The following ICAM3 variants were observed in gnomAD, a reference collection of about 807,000 sequenced individuals.
ICAM3 encodes the protein intercellular adhesion molecule 3, also known as ICAM-3.
ICAM3 carries 54 observed loss-of-function variants against 43.6 expected under a neutral mutation model. The observed-to-expected ratio is 1.24, with a 90% CI of 0.99 to 1.55. The LOEUF (loss-of-function observed/expected upper bound fraction) is 1.55. Among genes scored for constraint, ICAM3 ranks in the 40% most tolerant of loss-of-function variants. The pLI is 0.00. For missense variants in ICAM3, 715 were observed against 717.9 expected, an observed-to-expected ratio of 1.00 and a Z score of 0.05; for synonymous variants, 306 against 312.6, an observed-to-expected ratio of 0.98 and a Z score of 0.22.
intron 2 of ICAM3, 111 bp from the exon 3 acceptor site, chr19:10,336,087 T>A: frequency 1.0e-6 from 1 of 998,352 alleles, no homozygotes; most frequent in Non-Finnish European, 1.4e-6. Context: ...AGCTTTGAGT[T>A]AATAAACTTA....
chr19:10,338,607 C>G, intron 2 of ICAM3, 75 bp downstream of exon 2: 1 of 1,422,664 alleles, frequency 7.0e-7, no homozygotes, highest in South Asian at 1.2e-5. Context: ...TGAGGGTCCC[C>G]ACTCTCCTGA....
intron 4 of ICAM3, 39 bp downstream of exon 4, chr19:10,335,027 A>G (rs566102434): frequency 2.5e-6 from 4 of 1,590,004 alleles, no homozygotes; most frequent in South Asian, 2.3e-5. Context: ...ACGCCCCCAG[A>G]CTGCTGAGGC....
chr19:10,334,106 A>ACCCCCCCCCC lies in ICAM3; in HGVS notation c.1442-48_1442-47insGGGGGGGGGG. The ACCCCCCCCCC allele has an allele frequency of 2.5e-6, 4 of 1,578,930 alleles. No individual in the cohort carries two copies. Among genetic ancestry groups the ACCCCCCCCCC allele is most frequent in the Non-Finnish European group, 3.5e-6 (4 of 1,151,424 alleles). Reference sequence around the variant, plus strand: ...TCAATATGCGTCCCTTCTGTCTCCAACCCCCCCGCCCCCCGGCTTACCGGT... The same window carrying ACCCCCCCCCC: ...TCAATATGCGTCCCTTCTGTCTCCAACCCCCCCCCCCCCCCCCGCCCCCCGGCTTACCGGT... On this transcript the variant is annotated intron_variant, in intron 6 of 6. Transcript: ENST00000160262. The surrounding 1 kb of genome is among the most constrained non-coding windows in gnomAD (Gnocchi z 5.5).
Position 10,334,733 on chromosome 19 carries a change from C to T in ICAM3, c.987G>A (p.Gly329=), listed in dbSNP as rs767922533. The T allele has an allele frequency of 3.9e-5, 63 of 1,612,602 alleles. No homozygotes were observed. The Middle Eastern group carries it at 4.9e-4, about 13-fold the overall frequency. ...CCATGCAACTCACGGTCACTGTGGA[C>T]CCCTCATGGGCGGTGGGCTCGCTGA... ...VNLSEPTAHE[G]STVTVSCMAG... Residue 329 remains glycine (G), a synonymous_variant, in exon 5 of 7, where the codon GGG becomes GGA. Transcript: ENST00000160262. This position sits in a 1 kb window ranked among gnomAD's most constrained non-coding sequence, Gnocchi z 5.5.
chr19:10,334,374 C>G lies in ICAM3; in HGVS notation c.1227G>C (p.Gln409His). The change falls in exon 6 of 7, where the codon CAG (glutamine) becomes CAC (histidine). Residue 409 changes from glutamine (Q) to histidine (H), a missense_variant. By Grantham distance (24) the Gln-to-His change is conservative (BLOSUM62 0). Transcript: ENST00000160262. The surrounding 1 kb of genome is among the most constrained non-coding windows in gnomAD (Gnocchi z 5.5). ...TCGTTTTATCTTTCCATTTCAAGTG[C>G]TGGGGGCATGTGGCTCGGTCAATTT... The part of the protein sequence containing the change: ...GPKIDRATCP[Q>H]HLKWKDKTRH... The G allele has an allele frequency of 1.2e-6, 2 of 1,614,152 alleles. No homozygotes were observed. Among genetic ancestry groups the G allele is most frequent in the African/African-American group, 2.7e-5 (2 of 75,038 alleles).
rs201412519 is a variant in ICAM3 at position 10,333,965 on chromosome 19, C to T, written c.1536G>A (p.Glu512=). Residue 512 remains glutamate, a synonymous_variant, in exon 7 of 7, where the codon GAG becomes GAA. Coordinates refer to ENST00000160262, the MANE Select transcript of ICAM3 (RefSeq NM_002162.5). This position sits in a 1 kb window ranked among gnomAD's most constrained non-coding sequence, Gnocchi z 4.2. ...IVLALMYVFR[E]HQRSGSYHVR... is the part of the protein sequence containing the mutation. ...CATGGTAACTGCCGCTCCGTTGGTG[C>T]TCCCTGAAGACGTACATTAAGGCCA... The T allele has an allele frequency of 6.2e-7, 1 of 1,614,162 alleles. No homozygotes were observed. The highest frequency in any genetic ancestry group is 2.2e-5 in the East Asian group (1 of 44,890).
At chr19:10,339,315 T>C in intron 1 of ICAM3, 2 of 340,180 alleles carry the variant, frequency 5.9e-6, no homozygotes, top group Non-Finnish European at 5.5e-6. Context: ...GCATGAGGGG[T>C]GTGTGTGTGT....
Position 10,335,223 on chromosome 19 carries a change from GT to G in ICAM3, c.779del (p.Asp260AlafsTer4), listed in dbSNP as rs1248558998. On this transcript the variant is annotated frameshift_variant, in exon 4 of 7. Transcript: ENST00000160262. LOFTEE classifies it high-confidence loss of function. The part of the protein sequence containing the change: ...SEAQVYLALG[D>X]QMLNATVMNH... Reference sequence around the variant, plus strand: ...TCATGACTGTCGCATTCAGCATCTGGTCCCCCAGCGCCAGGTAGACCTGGGC... The same window carrying G: ...TCATGACTGTCGCATTCAGCATCTGGCCCCCAGCGCCAGGTAGACCTGGGC... The G allele has an allele frequency of 1.9e-6, 3 of 1,613,842 alleles. No individual in the cohort carries two copies. Among genetic ancestry groups the G allele is most frequent in the Admixed American group, 1.7e-5 (1 of 60,004 alleles).
chr19:10,335,726 G>A lies in ICAM3; in HGVS notation c.594C>T (p.Pro198=). 6.2e-7 allele frequency: 1 copy of A among 1,610,882 alleles called. No homozygotes were observed. Among genetic ancestry groups the A allele is most frequent in the Non-Finnish European group, 8.5e-7 (1 of 1,179,028 alleles). ...TGTTCACGAACAGTCCCAGCCCCTG[G>A]GGCTGCATGTCCAGTTCTGTGCGGC... ...FSCRTELDMQ[P]QGLGLFVNTS... is the part of the protein sequence containing the mutation. Residue 198 remains proline (P), a synonymous_variant, in exon 3 of 7, where the codon CCC becomes CCT. Transcript: ENST00000160262.
In ICAM3 at chr19:10,335,794, T is replaced by C; in HGVS notation, c.526A>G (p.Thr176Ala). 1.2e-6 allele frequency: 2 copies of C among 1,612,694 alleles called. No individual in the cohort carries two copies. The highest frequency in any genetic ancestry group is 1.7e-6 in the Non-Finnish European group (2 of 1,179,856). The part of the protein sequence containing the change: ...AVEEPAEVTA[T>A]VLASRDDHGA... Reference sequence around the variant, plus strand: ...TGGTCGTCTCTGCTGGCCAGCACAGTGGCAGTGACCTCCGCTGGCTCCTCC... The same window carrying C: ...TGGTCGTCTCTGCTGGCCAGCACAGCGGCAGTGACCTCCGCTGGCTCCTCC... The change falls in exon 3 of 7, where the codon ACT becomes GCT. Residue 176 changes from threonine (T) to alanine (A), a missense_variant. Transcript: ENST00000160262.
rs559476256 is a variant in ICAM3 at position 10,338,511 on chromosome 19, T to C, written c.343+171A>G. ...CTATATCTCTGTCTCTGTCTCTGTGTCTCTGTCTCTGTCTATCTTTGTATC... is the reference window on the plus strand; with the variant it reads ...CTATATCTCTGTCTCTGTCTCTGTGCCTCTGTCTCTGTCTATCTTTGTATC... On this transcript the variant is annotated intron_variant, in intron 2 of 6. Transcript: ENST00000160262. Among the ~76,000 whole-genome samples the C allele has an allele frequency of 1.4e-3, 216 of 152,276 alleles. 1 individual carries two copies. The highest frequency in any genetic ancestry group is 2.3e-3 in the Non-Finnish European group (158 of 68,024).
In ICAM3 at chr19:10,335,640, G is replaced by A. The variant is rs757419027; in HGVS notation, c.649+31C>T. On this transcript the variant is annotated intron_variant, in intron 3 of 6. Transcript: ENST00000160262. Reference sequence around the variant, plus strand: ...GGCACCGTCTACCCTGGCTCAGCTCGTCACCCACCGTCTGAAGCCCCTTCT... The same window carrying A: ...GGCACCGTCTACCCTGGCTCAGCTCATCACCCACCGTCTGAAGCCCCTTCT... 3.4e-5 allele frequency: 53 copies of A among 1,562,354 alleles called. 1 individual carries two copies. In the South Asian group the frequency reaches 4.2e-4, roughly 12 times the overall value.
Position 10,335,423 on chromosome 19 carries a change from A to C in ICAM3, c.650-70T>G. 13 of 1,394,798 alleles carry C rather than the reference A, an allele frequency of 9.3e-6. No homozygotes were observed. In the South Asian group the frequency reaches 1.5e-4, roughly 16 times the overall value. The allele number at this position is 1,394,798 out of a possible 1,614,324, so 86.4% of individuals were successfully genotyped here. A position where few individuals can be genotyped will look rare whatever the true frequency, so the allele number is the denominator to read the frequency against. On this transcript the variant is annotated intron_variant, in intron 3 of 6. Transcript: ENST00000160262. ...TCCCCAGGACACCCTCATCCCCCCC[A>C]GTCAGGATATCTTGCTGACTGGGTC...
rs761073759 is a variant in ICAM3 at position 10,334,394 on chromosome 19, C to G, written c.1207G>C (p.Asp403His). 1.2e-6 allele frequency: 2 copies of G among 1,613,952 alleles called. No homozygotes were observed. The highest frequency in any genetic ancestry group is 4.5e-5 in the East Asian group (2 of 44,898). ...AAGTGCTGGGGGCATGTGGCTCGGT[C>G]AATTTTGGGACCATCTGTGGAACCA... ...QLRVLYGPKI[D>H]RATCPQHLKW... is the part of the protein sequence containing the mutation. The change falls in exon 6 of 7, where the codon GAC becomes CAC. Residue 403 changes from aspartate (D) to histidine (H), a missense_variant. Physicochemically the swap from Asp to His is moderately conservative, Grantham distance 81. Transcript: ENST00000160262. The surrounding 1 kb of genome is among the most constrained non-coding windows in gnomAD (Gnocchi z 5.5).
chr19:10,335,667 T>C lies in ICAM3; in HGVS notation c.649+4A>G, dbSNP rs374344686. 1.5e-5 allele frequency: 24 copies of C among 1,596,704 alleles called. No individual in the cohort carries two copies. In the African/African-American group the frequency reaches 2.3e-4, roughly 15 times the overall value. ...CACCCACCGTCTGAAGCCCCTTCTCTCACCAAAGGTTCGGAGCTGGCGGGG... is the reference window on the plus strand; with the variant it reads ...CACCCACCGTCTGAAGCCCCTTCTCCCACCAAAGGTTCGGAGCTGGCGGGG... On this transcript the variant is annotated splice_donor_region_variant and intron_variant, in intron 3 of 6. Transcript: ENST00000160262.
In ICAM3 at chr19:10,334,362, C is replaced by T. The variant is rs769501979; in HGVS notation, c.1239G>A (p.Trp413Ter). Residue 413 changes from tryptophan (W) to a stop codon, truncating the protein, a stop_gained, in exon 6 of 7, where the codon TGG (tryptophan) becomes TGA (stop). Transcript: ENST00000160262. LOFTEE classifies it high-confidence loss of function. This position sits in a 1 kb window ranked among gnomAD's most constrained non-coding sequence, Gnocchi z 5.5. ...GCAGGACGTGTCTCGTTTTATCTTTCCATTTCAAGTGCTGGGGGCATGTGG... is the reference window on the plus strand; with the variant it reads ...GCAGGACGTGTCTCGTTTTATCTTTTCATTTCAAGTGCTGGGGGCATGTGG... ...DRATCPQHLK[W>*]KDKTRHVLQC... The T allele has an allele frequency of 3.7e-6, 6 of 1,614,198 alleles. No homozygotes were observed. The South Asian group carries it at 6.6e-5, about 18-fold the overall frequency.
At position 10,334,588 on chromosome 19, in the gene ICAM3, T is replaced by TG. The variant is rs749933428; in HGVS notation, c.1131dup (p.Thr378HisfsTer14). On this transcript the variant is annotated frameshift_variant, in exon 5 of 7. Transcript: ENST00000160262. LOFTEE classifies it high-confidence loss of function. The surrounding 1 kb of genome is among the most constrained non-coding windows in gnomAD (Gnocchi z 5.5). ...AAGAACTCGCCGTCCACCTCGAGAG[T>TG]GGCACTGCAGAAGAAGCTGCGTCCG... The TG allele has an allele frequency of 6.2e-7, 1 of 1,613,156 alleles. No homozygotes were observed.
rs533315249 is a variant in ICAM3, at chr19:10,334,476, A to G, written c.1192+52T>C. 4.4e-6 allele frequency: 7 copies of G among 1,605,728 alleles called. No individual in the cohort carries two copies. The South Asian group carries it at 6.7e-5, about 15-fold the overall frequency. ...GGCACAGTGGTGCAGAGGAGCGTCT[A>G]ATCTTTCCAGGGCAGGGGTGGAGGG... On this transcript the variant is annotated intron_variant, in intron 5 of 6. Coordinates refer to ENST00000160262, the MANE Select transcript of ICAM3 (RefSeq NM_002162.5). This position sits in a 1 kb window ranked among gnomAD's most constrained non-coding sequence, Gnocchi z 5.5.
In ICAM3 at chr19:10,334,943, GCCCAAC is replaced by G. The variant is rs1704310381; in HGVS notation, c.937+117_937+122del. 1.4e-6 allele frequency: 2 copies of G among 1,466,480 alleles called. No individual in the cohort carries two copies. 90.8% of individuals were successfully genotyped at this position (1,466,480 alleles called of 1,614,324 possible). A position where few individuals can be genotyped will look rare whatever the true frequency, so the allele number is the denominator to read the frequency against. On this transcript the variant is annotated intron_variant, in intron 4 of 6. Coordinates refer to ENST00000160262, the MANE Select transcript of ICAM3 (RefSeq NM_002162.5). This position sits in a 1 kb window ranked among gnomAD's most constrained non-coding sequence, Gnocchi z 5.5. Reference sequence around the variant, plus strand: ...GCTGTGTCCAGCTTCGGGCACTCAGGCCCAACCCACGTTGCAACTGCTATTGGGGCA... The same window carrying G: ...GCTGTGTCCAGCTTCGGGCACTCAGGCCACGTTGCAACTGCTATTGGGGCA...
Sources: gnomAD v4.1 joint callset for allele counts (sites outside exome capture counted in the v4.1 genomes callset) on GRCh38, gnomAD v4.1.1 for gene constraint, Gnocchi (gnomAD v3.1) non-coding constraint, MANE v1.5 for transcripts, NCBI Gene and HGNC (gene_info 2026-07-23, HGNC 2026-07-21) for gene names.